The following NR4A1 variants were observed in gnomAD, a reference collection of about 807,000 sequenced individuals.
NR4A1 encodes nuclear receptor subfamily 4immunitygroup A member 1.
A neutral mutation model predicts 47.5 loss-of-function variants in NR4A1; 24 were observed. That is an observed-to-expected ratio of 0.50 (90% CI 0.37 to 0.71). The LOEUF (loss-of-function observed/expected upper bound fraction) is 0.71. NR4A1 is among the 30% of genes least tolerant of loss of function. NR4A1 has a pLI of 0.00. For synonymous variants in NR4A1, 353 were observed against 345.7 expected (o/e 1.02, Z -0.24); for missense variants, 669 against 788.6 (o/e 0.85, Z 1.82).
At chr12:52,056,814 C>A in intron 4 of NR4A1, 169 bp downstream of exon 4, 1 of 900,180 alleles carries the variant, frequency 1.1e-6, no homozygotes, top group Non-Finnish European at 1.6e-6. Flanking sequence ...GAGAGGATCC[C>A]CCTCTCGGCT....
intron 1 of NR4A1, chr12:52,037,601 C>A: frequency 1.0e-6 from 1 of 985,024 alleles, no homozygotes; most frequent in African/African-American, 1.7e-5. Flanking sequence ...GAACCGCTGG[C>A]TCCGAGTCAG....
intron 1 of NR4A1, chr12:52,052,437 C>G (rs539487496): frequency 3.1e-6 from 3 of 976,548 alleles, no homozygotes; most frequent in African/African-American, 1.8e-5. Context: ...ACCATTCCAG[C>G]TCCAGATGCT....
chr12:52,051,110 T>A (rs955624754), upstream of NR4A1, among the ~76,000 whole-genome samples: 1 of 152,032 alleles, frequency 6.6e-6, no homozygotes, highest in Non-Finnish European at 1.5e-5. Flanking sequence ...GGGACCCGAG[T>A]CCGGTGCGGG....
intron 1 of NR4A1, among the ~76,000 whole-genome samples, chr12:52,031,056 C>T (rs1938115298): frequency 6.6e-6 from 1 of 151,544 alleles, no homozygotes. Flanking sequence ...CACTCTGTCG[C>T]CCAGGCTGGA....
intron 1 of NR4A1, among the ~76,000 whole-genome samples, chr12:52,031,374 C>T (rs113076255): frequency 1.3e-5 from 2 of 151,534 alleles, no homozygotes; most frequent in African/African-American, 2.4e-5. Context: ...CAGTGGCTCA[C>T]GCCTGTAATC....
chr12:52,041,399 T>C (rs1938431228), intron 1 of NR4A1, among the ~76,000 whole-genome samples: 1 of 152,124 alleles, frequency 6.6e-6, no homozygotes, highest in African/African-American at 2.4e-5. Context: ...CTCCGAGGCT[T>C]TAGGGGCCAA....
rs1321545465 is a variant in NR4A1 at position 52,034,320 on chromosome 12, T to TAG, written c.-83-7490_-83-7489insAG. Among the ~76,000 whole-genome samples the TAG allele has an allele frequency of 5.9e-5, 9 of 152,332 alleles. No homozygotes were observed. In the East Asian group the frequency reaches 1.7e-3, roughly 29 times the overall value. Reference sequence around the variant, plus strand: ...GGCCACTTCTTGGATGTCCTGGCAATGTTTCCATACCTATTCTTGTGTCCT... The same window carrying TAG: ...GGCCACTTCTTGGATGTCCTGGCAATAGGTTTCCATACCTATTCTTGTGTCCT... On this transcript the variant is annotated intron_variant, in intron 1 of 7. Coordinates refer to the NR4A1 transcript ENST00000360284.
At chr12:52,032,505 G>A (rs767599597) in intron 1 of NR4A1, among the ~76,000 whole-genome samples, 30 of 152,310 alleles carry the variant, frequency 2.0e-4, no homozygotes, top group Non-Finnish European at 4.1e-4. Flanking sequence ...TATTGGTTCT[G>A]TTTCTCTGGA....
intron 1 of NR4A1, among the ~76,000 whole-genome samples, chr12:52,036,213 A>C (rs1357906089): frequency 6.6e-6 from 1 of 152,076 alleles, no homozygotes; most frequent in South Asian, 2.1e-4. Flanking sequence ...TGGTTCTTCC[A>C]TTTCCAAAGA....
Position 52,057,102 on chromosome 12 carries a change from G to T in NR4A1, c.1204G>T (p.Asp402Tyr). The change falls in exon 5 of 7, where the codon GAT becomes TAT. Residue 402 changes from aspartate to tyrosine, a missense_variant. Physicochemically the swap from Asp to Tyr is radical, Grantham distance 160 (BLOSUM62 -3). Coordinates refer to ENST00000394825, the MANE Select transcript of NR4A1 (RefSeq NM_173157.3). ...LPHFGKEDAG[D>Y]VQQFYDLLSG... The stretch of plus-strand genomic sequence containing the variant: ...CCACTTTGGGAAGGAAGATGCTGGG[G>T]ATGTACAGCAGTTCTACGACCTGCT... The T allele has an allele frequency of 6.2e-7, 1 of 1,612,422 alleles. No homozygotes were observed. The highest frequency in any genetic ancestry group is 8.5e-7 in the Non-Finnish European group (1 of 1,179,264).
At chr12:52,024,443 C>T (rs1045612018) in intron 1 of NR4A1, among the ~76,000 whole-genome samples, 4 of 152,220 alleles carry the variant, frequency 2.6e-5, no homozygotes, top group Non-Finnish European at 5.9e-5. Flanking sequence ...AGGGGTGGCT[C>T]ACCAACACTT....
chr12:52,049,609 C>G (rs116369682), upstream of NR4A1, among the ~76,000 whole-genome samples: 633 of 152,336 alleles, frequency 4.2e-3, 6 homozygotes, highest in African/African-American at 0.015. Flanking sequence ...AAGCCATAAT[C>G]ATGCCACTGC....
At chr12:52,023,096 T>C (rs571568667) in intron 1 of NR4A1, among the ~76,000 whole-genome samples, 2 of 151,706 alleles carry the variant, frequency 1.3e-5, no homozygotes, top group Admixed American at 6.6e-5. Context: ...CCTGCCGGAG[T>C]CTGCTTTTCA....
chr12:52,041,972 TG>T, intron 2 of NR4A1: 1 of 1,120,804 alleles, frequency 8.9e-7, no homozygotes, highest in Non-Finnish European at 1.1e-6. Flanking sequence ...CTCCAGCAGG[TG>T]GGGTTGGGGG....
chr12:52,055,019 C>A lies in NR4A1; in HGVS notation c.691C>A (p.Pro231Thr). 1 of 1,614,222 alleles carries A rather than the reference C, an allele frequency of 6.2e-7. No individual in the cohort carries two copies. ...GESYSMPTAF[P>T]GLAPTSPHLE... is the part of the protein sequence containing the mutation. ...GAGCTATTCCATGCCTACGGCCTTC[C>A]CAGGTTTGGCACCCACTTCTCCACA... is the stretch of plus-strand genomic sequence containing the variant. Residue 231 changes from proline to threonine, a missense_variant, in exon 2 of 7, where the codon CCA becomes ACA. By Grantham distance (38) the Pro-to-Thr change is conservative. Transcript: ENST00000394825.
chr12:52,032,949 C>T (rs948338970), intron 1 of NR4A1, among the ~76,000 whole-genome samples: 1 of 152,222 alleles, frequency 6.6e-6, no homozygotes, highest in Non-Finnish European at 1.5e-5. Context: ...CCCATCCTCC[C>T]AATGACGTCT....
At chr12:52,051,922 G>C (rs1938978942) in intron 1 of NR4A1, among the ~76,000 whole-genome samples, 1 of 152,088 alleles carries the variant, frequency 6.6e-6, no homozygotes, top group Admixed American at 6.5e-5. Flanking sequence ...ACAGCACCGT[G>C]GGGGAACAGG....
At chr12:52,043,817 C>G (rs1440569560) in intron 2 of NR4A1, 1 of 1,288,658 alleles carries the variant, frequency 7.8e-7, no homozygotes, top group East Asian at 5.5e-5. Flanking sequence ...CCTGAGACCA[C>G]CAGGAAGAGC....
rs1042148763 is a variant in NR4A1 at position 52,023,441 on chromosome 12, T to C, written c.-84+502T>C. On this transcript the variant is annotated intron_variant, in intron 1 of 7. Transcript: ENST00000360284. ...TGCTGGGATCTGGGAAGGAAGCAGGTGGCAGCGCCGGAGTGAGTAACCGCC... is the reference window on the plus strand; with the variant it reads ...TGCTGGGATCTGGGAAGGAAGCAGGCGGCAGCGCCGGAGTGAGTAACCGCC... Among the ~76,000 whole-genome samples the C allele has an allele frequency of 7.0e-4, 107 of 152,256 alleles. 1 individual carries two copies. Among genetic ancestry groups the C allele is most frequent in the African/African-American group, 2.3e-3 (95 of 41,554 alleles).
Sources: allele counts gnomAD v4.1 joint callset (sites outside exome capture counted in the v4.1 genomes callset), GRCh38; gene constraint gnomAD v4.1.1; transcripts MANE v1.5; gene names NCBI Gene and HGNC (gene_info 2026-07-23, HGNC 2026-07-21).